Variants in UBASH3B observed in about 807,000 individuals in gnomAD.
UBASH3B encodes ubiquitin-associated and SH3 domain-containing protein B.
In UBASH3B, 37 loss-of-function variants were observed where a neutral mutation model predicts 83.4. The ratio of observed to expected loss-of-function variants is 0.44; its 90% CI spans 0.34 to 0.58. The LOEUF is 0.58. Among genes scored for constraint, UBASH3B ranks in the 20% least tolerant of loss-of-function variants. The pLI is 0.01. For missense variants in UBASH3B, 657 were observed against 827.2 expected (o/e 0.79, Z 2.52); for synonymous variants, 304 against 318.3 (o/e 0.96, Z 0.48).
chr11:122,703,073 A>G (rs1864065245), intron 1 of UBASH3B, among the ~76,000 whole-genome samples: 1 of 152,118 alleles, frequency 6.6e-6, no homozygotes, highest in Non-Finnish European at 1.5e-5. Context: ...CGCCCACAGC[A>G]GGTACTTAGT....
rs1296889678 is a variant in UBASH3B, at chr11:122,791,699, G to A, written c.980+2391G>A. ...AGACATCAGGAGGTAGAGCCCCAGGGGGATGTCAAGCATGGCCTGGCTGGC... is the reference window on the plus strand; with the variant it reads ...AGACATCAGGAGGTAGAGCCCCAGGAGGATGTCAAGCATGGCCTGGCTGGC... On this transcript the variant is annotated intron_variant, in intron 6 of 13. Coordinates refer to ENST00000284273, the MANE Select transcript of UBASH3B (RefSeq NM_032873.5). Among the ~76,000 whole-genome samples the A allele has an allele frequency of 1.3e-5, 2 of 152,176 alleles. 1 individual carries two copies. Among genetic ancestry groups the A allele is most frequent in the Non-Finnish European group, 2.9e-5 (2 of 68,024 alleles).
intron 13 of UBASH3B, 65 bp from the exon 14 acceptor site, chr11:122,809,684 T>G (rs1240755606): frequency 6.5e-7 from 1 of 1,550,372 alleles, no homozygotes; most frequent in Non-Finnish European, 8.8e-7. Context: ...TCTTTGTATT[T>G]AGGTAAAAGT....
At chr11:122,711,756 T>C (rs535650200) in intron 1 of UBASH3B, among the ~76,000 whole-genome samples, 7 of 152,318 alleles carry the variant, frequency 4.6e-5, no homozygotes, top group Non-Finnish European at 7.4e-5. Flanking sequence ...CATTTCCATC[T>C]CTAAAATGGG....
chr11:122,796,056 C>A (rs978734160), intron 7 of UBASH3B, 100 bp from the exon 8 acceptor site: 3 of 1,506,690 alleles, frequency 2.0e-6, no homozygotes, highest in African/African-American at 2.7e-5. Flanking sequence ...CATACCTTGG[C>A]AGAACTTTGG....
intron 1 of UBASH3B, among the ~76,000 whole-genome samples, chr11:122,763,018 G>T (rs529480659): frequency 6.6e-6 from 1 of 152,154 alleles, no homozygotes; most frequent in Non-Finnish European, 1.5e-5. Flanking sequence ...CTGTAAGGCC[G>T]TTATTACCGC....
intron 1 of UBASH3B, among the ~76,000 whole-genome samples, chr11:122,711,649 C>G (rs764401177): frequency 6.6e-6 from 1 of 152,202 alleles, no homozygotes; most frequent in African/African-American, 2.4e-5. Flanking sequence ...TGCTGTGTAA[C>G]GGGCACAGGT....
At chr11:122,659,832 G>A (rs2135888457) in intron 1 of UBASH3B, among the ~76,000 whole-genome samples, 1 of 152,288 alleles carries the variant, frequency 6.6e-6, no homozygotes, top group Admixed American at 6.5e-5. Context: ...AGCCAGGGCT[G>A]ACAGCTCTAG....
chr11:122,727,231 T>C (rs1234291900), intron 1 of UBASH3B, among the ~76,000 whole-genome samples: 1 of 152,208 alleles, frequency 6.6e-6, no homozygotes, highest in Non-Finnish European at 1.5e-5. Flanking sequence ...CTTTCGTTTT[T>C]CTTTTTTCTT....
At chr11:122,683,053 C>A (rs1478672057) in intron 1 of UBASH3B, among the ~76,000 whole-genome samples, 1 of 151,802 alleles carries the variant, frequency 6.6e-6, no homozygotes, top group African/African-American at 2.4e-5. Flanking sequence ...GGTCTTGCGG[C>A]CAGCCTGGGC....
chr11:122,768,466 A>AGGTATGTG (rs745861229), intron 1 of UBASH3B, among the ~76,000 whole-genome samples: 248 of 128,976 alleles, frequency 1.9e-3, no homozygotes, highest in Admixed American at 2.9e-3. Flanking sequence ...AGAGATATAT[A>AGGTATGTG]TGTATGTGTG....
chr11:122,685,167 A>G (rs1863793764), intron 1 of UBASH3B, among the ~76,000 whole-genome samples: 1 of 152,170 alleles, frequency 6.6e-6, no homozygotes, highest in Non-Finnish European at 1.5e-5. Context: ...ATAGGAAAAT[A>G]TGGTGAAAGT....
chr11:122,678,780 T>C lies in UBASH3B; in HGVS notation c.161+22570T>C, dbSNP rs145263705. On this transcript the variant is annotated intron_variant, in intron 1 of 13. Coordinates refer to ENST00000284273, the MANE Select transcript of UBASH3B (RefSeq NM_032873.5). Reference sequence around the variant, plus strand: ...TTCCTCCATCAGTCAGGAGAATGAGTATCCACTTATGAGGCATAGCTTAGA... The same window carrying C: ...TTCCTCCATCAGTCAGGAGAATGAGCATCCACTTATGAGGCATAGCTTAGA... Among the ~76,000 whole-genome samples the C allele has an allele frequency of 1.8e-3, 281 of 152,276 alleles. 1 individual carries two copies. Among genetic ancestry groups the C allele is most frequent in the African/African-American group, 6.3e-3 (262 of 41,548 alleles).
intron 6 of UBASH3B, among the ~76,000 whole-genome samples, chr11:122,792,496 T>G (rs1861076103): frequency 6.6e-6 from 1 of 151,880 alleles, no homozygotes; most frequent in Non-Finnish European, 1.5e-5. Context: ...TTTTTGTATT[T>G]TGAATAGAGA....
intron 3 of UBASH3B, among the ~76,000 whole-genome samples, chr11:122,777,610 C>T (rs1315869857): frequency 2.3e-5 from 3 of 127,690 alleles, no homozygotes; most frequent in African/African-American, 7.7e-5. Context: ...AAAGCCATTT[C>T]CTGTCCACAA....
chr11:122,685,790 G>C (rs906929671), intron 1 of UBASH3B, among the ~76,000 whole-genome samples: 14 of 152,228 alleles, frequency 9.2e-5, no homozygotes, highest in African/African-American at 3.4e-4. Context: ...AAAGTGCTGG[G>C]ATTACAGGCG....
intron 12 of UBASH3B, among the ~76,000 whole-genome samples, chr11:122,807,144 T>C (rs563971873): frequency 1.1e-4 from 17 of 152,340 alleles, no homozygotes; most frequent in African/African-American, 3.6e-4. Context: ...CCAGTTTTCA[T>C]TGATTAGCCA....
chr11:122,774,517 AC>A (rs1173537913), intron 1 of UBASH3B, among the ~76,000 whole-genome samples: 1 of 152,066 alleles, frequency 6.6e-6, no homozygotes, highest in Non-Finnish European at 1.5e-5. Flanking sequence ...TTCACAGATG[AC>A]CTCTGAGGTC....
At chr11:122,671,184 T>C (rs1310576709) in intron 1 of UBASH3B, among the ~76,000 whole-genome samples, 2 of 152,188 alleles carry the variant, frequency 1.3e-5, no homozygotes, top group Non-Finnish European at 2.9e-5. Context: ...GCCACACCAC[T>C]CCTGCCTTCT....
At chr11:122,729,125 CCTAAATCCTGGGAGGA>C (rs1409515582) in intron 1 of UBASH3B, among the ~76,000 whole-genome samples, 2 of 152,188 alleles carry the variant, frequency 1.3e-5, no homozygotes, top group East Asian at 3.9e-4. Flanking sequence ...GGCTCAGTGA[CCTAAATCCTGGGAGGA>C]CTGGGAGGCT....
Sources: gnomAD v4.1 joint callset for allele counts (sites outside exome capture counted in the v4.1 genomes callset) on GRCh38, gnomAD v4.1.1 for gene constraint, MANE v1.5 for transcripts, NCBI Gene and HGNC (gene_info 2026-07-23, HGNC 2026-07-21) for gene names.